GUK1: variants seen among roughly 807,000 people sequenced by gnomAD.
The protein encoded by GUK1 is guanylate kinase 1, also known as guanylate kinase.
Under a neutral mutation model 25.2 loss-of-function variants are expected in GUK1, and 18 were observed. That is an observed-to-expected ratio of 0.71 (90% CI 0.49 to 1.06). GUK1 has a LOEUF of 1.06. Ranked by LOEUF, GUK1 falls within the 50% of genes least tolerant of loss-of-function variation. The probability of loss-of-function intolerance (pLI) is 0.00; values close to 1 mark genes in which losing one functional copy is unlikely to be tolerated. For missense variants in GUK1, 261 were observed against 276.7 expected (o/e 0.94, Z 0.40); for synonymous variants, 105 against 117.6 (o/e 0.89, Z 0.69).
intron 2 of GUK1, among the ~76,000 whole-genome samples, chr1:228,142,677 GC>G (rs1387751214): frequency 1.3e-5 from 2 of 152,130 alleles, no homozygotes; most frequent in African/African-American, 4.8e-5. Context: ...CCTGCCACTT[GC>G]TGCTTGCGAG....
chr1:228,147,517 T>C lies in GUK1; in HGVS notation c.363T>C (p.Ser121=). 1.2e-6 allele frequency: 2 copies of C among 1,613,152 alleles called. No individual in the cohort carries two copies. Among genetic ancestry groups the C allele is most frequent in the South Asian group, 1.1e-5 (1 of 91,082 alleles). ...CCGATCTGCGGCCCATCTACATCTC[T>C]GTGCAGCCGCCTTCACTGCACGTGC... Residue 121 remains serine (S), a synonymous_variant, in exon 6 of 9, where the codon TCT becomes TCC. Transcript: ENST00000312726.
At position 228,147,441 on chromosome 1, in the gene GUK1, G is replaced by T. The variant is rs752446312; in HGVS notation, c.287G>T (p.Arg96Leu). ...GTGCAGGCCGTGCAGGCCATGAACC[G>T]CATCTGTGTGCTGGACGTGGACCTG... Residue 96 changes from arginine (R) to leucine (L), a missense_variant, in exon 6 of 9, where the codon CGC becomes CTC. Transcript: ENST00000312726. 4.3e-6 allele frequency: 7 copies of T among 1,612,462 alleles called. No homozygotes were observed. Among genetic ancestry groups the T allele is most frequent in the South Asian group, 1.1e-5 (1 of 91,074 alleles).
At chr1:228,140,118 A>G, upstream of GUK1, 1 of 569,502 alleles carries the variant, frequency 1.8e-6, no homozygotes, top group Non-Finnish European at 3.0e-6. Context: ...TGCGGTCGCG[A>G]CAGGCCAGCG....
chr1:228,146,470 C>T (rs929817640), intron 4 of GUK1: 15 of 426,316 alleles, frequency 3.5e-5, no homozygotes, highest in African/African-American at 2.8e-4. Context: ...CCTTGCCGTG[C>T]AACCCAGTGG....
At position 228,148,708 on chromosome 1, in the gene GUK1, C is replaced by T; in HGVS notation, c.*11C>T. On this transcript the variant is annotated 3_prime_UTR_variant, in exon 9 of 9. Transcript: ENST00000312726. Reference sequence around the variant, plus strand: ...AGGACCGGCGCCTGAGGCTTGCTGTCTGTTCTCGGCACCCCGGGCCCATAC... The same window carrying T: ...AGGACCGGCGCCTGAGGCTTGCTGTTTGTTCTCGGCACCCCGGGCCCATAC... 3.7e-6 allele frequency: 6 copies of T among 1,606,278 alleles called. No individual in the cohort carries two copies. The highest frequency in any genetic ancestry group is 5.1e-6 in the Non-Finnish European group (6 of 1,177,578).
intron 2 of GUK1, chr1:228,141,306 TC>T (rs919236010): frequency 5.4e-5 from 52 of 967,748 alleles, no homozygotes; most frequent in South Asian, 1.4e-4. Context: ...AATGTTCCTG[TC>T]CCCCCCGGGG....
intron 7 of GUK1, 132 bp from the exon 7 acceptor site, chr1:228,148,239 G>A (rs1212397902): frequency 1.3e-6 from 1 of 747,466 alleles, no homozygotes; most frequent in Non-Finnish European, 2.4e-6. Flanking sequence ...CACAGGCCCG[G>A]CTGGGCTGGA....
chr1:228,144,032 A>G (rs2034217903), intron 2 of GUK1, among the ~76,000 whole-genome samples: 2 of 152,086 alleles, frequency 1.3e-5, no homozygotes, highest in Non-Finnish European at 2.9e-5. Flanking sequence ...TTGCAGGTAC[A>G]CATGTGTGGT....
At position 228,140,331 on chromosome 1, in the gene GUK1, C is replaced by G; in HGVS notation, c.-200C>G. On this transcript the variant is annotated 5_prime_UTR_variant, in exon 1 of 9. Transcript: ENST00000312726. Reference sequence around the variant, plus strand: ...CTGCGGCGCCCGCTGGCCGGGCTGGCTGCGGCCGCCCTGGGCCGGGCCCCA... The same window carrying G: ...CTGCGGCGCCCGCTGGCCGGGCTGGGTGCGGCCGCCCTGGGCCGGGCCCCA... 2 of 1,529,084 alleles carry G rather than the reference C, an allele frequency of 1.3e-6. No individual in the cohort carries two copies. Among genetic ancestry groups the G allele is most frequent in the Non-Finnish European group, 1.7e-6 (2 of 1,144,692 alleles). 94.7% of individuals were successfully genotyped at this position (1,529,084 alleles called of 1,614,324 possible).
chr1:228,145,244 T>C, intron 2 of GUK1: 1 of 274,840 alleles, frequency 3.6e-6, no homozygotes, highest in Non-Finnish European at 6.9e-6. Flanking sequence ...GTTGGGGGGC[T>C]CCCCTGCTGA....
intron 2 of GUK1, among the ~76,000 whole-genome samples, chr1:228,143,372 G>C (rs377581891): frequency 1.3e-5 from 2 of 152,328 alleles, no homozygotes; most frequent in South Asian, 2.1e-4. Flanking sequence ...CTCCCATATC[G>C]GGTCCTTCGA....
rs556804591 is a variant in GUK1, at chr1:228,141,608, G to C, written c.-3+320G>C. ...TCCTCGAACAGTGGGCCGGGGGCAA[G>C]GTGGTGACTCTGTTCAGTCCTTAGG... On this transcript the variant is annotated intron_variant, in intron 2 of 8. Transcript: ENST00000312726. 3 of 1,107,630 alleles carry C rather than the reference G, an allele frequency of 2.7e-6. No homozygotes were observed. In the Admixed American group the frequency reaches 1.5e-4, roughly 54 times the overall value. The allele number at this position is 1,107,630 out of a possible 1,614,324, so 68.6% of individuals were successfully genotyped here.
chr1:228,145,795 G>C (rs2034336339), intron 3 of GUK1, 171 bp downstream of exon 2: 1 of 799,780 alleles, frequency 1.3e-6, no homozygotes, highest in Non-Finnish European at 2.0e-6. Flanking sequence ...CACTCCTGCT[G>C]TCCTGCGTGC....
At position 228,148,376 on chromosome 1, in the gene GUK1, G is replaced by A; in HGVS notation, c.481G>A (p.Glu161Lys). 1 of 1,554,924 alleles carries A rather than the reference G, an allele frequency of 6.4e-7. No homozygotes were observed. Among genetic ancestry groups the A allele is most frequent in the Non-Finnish European group, 8.7e-7 (1 of 1,145,106 alleles). The change falls in exon 8 of 9, where the codon GAG (glutamate) becomes AAG (lysine). Residue 161 changes from glutamate to lysine, a missense_variant. Transcript: ENST00000312726. ...ACCCCAGGCCCCACCCACAGGCAAG[G>A]AGCCCGGCCTGTTTGATGTGGTCAT...
In GUK1 at chr1:228,147,269, C is replaced by T. The variant is rs201239171; in HGVS notation, c.252-137C>T. ...GGGGGTAGCAGGTTTGAGATGCTGTCGGGTGCTGGGTCCAGGCCAGGCCTA... is the reference window on the plus strand; with the variant it reads ...GGGGGTAGCAGGTTTGAGATGCTGTTGGGTGCTGGGTCCAGGCCAGGCCTA... On this transcript the variant is annotated intron_variant, in intron 5 of 8. Transcript: ENST00000312726. The T allele has an allele frequency of 7.8e-4, 619 of 798,530 alleles. 4 individuals are homozygous for T. In the East Asian group the frequency reaches 0.011, roughly 15 times the overall value. 49.5% of individuals were successfully genotyped at this position (798,530 alleles called of 1,614,324 possible). A position where few individuals can be genotyped will look rare whatever the true frequency, so the allele number is the denominator to read the frequency against.
chr1:228,142,134 C>G (rs1335746916), intron 2 of GUK1, among the ~76,000 whole-genome samples: 1 of 38,298 alleles, frequency 2.6e-5, no homozygotes, highest in African/African-American at 7.3e-5. Flanking sequence ...TGCCTCCGCC[C>G]TGTCTCCAGC....
At chr1:228,147,306 GGGA>G in intron 5 of GUK1, 97 bp from the exon 5 acceptor site, 1 of 1,159,016 alleles carries the variant, frequency 8.6e-7, no homozygotes, top group Non-Finnish European at 1.2e-6. Context: ...GCTCAGCTGT[GGGA>G]GGAGAACGCT....
At chr1:228,146,977 C>T in intron 5 of GUK1, 39 bp downstream of exon 4, 1 of 1,347,102 alleles carries the variant, frequency 7.4e-7, no homozygotes, top group Non-Finnish European at 1.1e-6. Context: ...CCCAGGGTTG[C>T]TGTTGGCAAC....
Position 228,148,779 on chromosome 1 carries a change from G to A in GUK1, c.*82G>A, listed in dbSNP as rs775069263. 32 of 1,606,914 alleles carry A rather than the reference G, an allele frequency of 2.0e-5. No individual in the cohort carries two copies. The highest frequency in any genetic ancestry group is 9.4e-5 in the African/African-American group (7 of 74,706). On this transcript the variant is annotated 3_prime_UTR_variant, in exon 9 of 9. Coordinates refer to ENST00000312726, the MANE Select transcript of GUK1 (RefSeq NM_000858.7). ...GAGCCACCCCCTTGGCAGGCGATAC[G>A]GCAGCTCTGTGCCCTTGGCCAGCAT...
Sources: allele counts gnomAD v4.1 joint callset (sites outside exome capture counted in the v4.1 genomes callset), GRCh38; gene constraint gnomAD v4.1.1; transcripts MANE v1.5; gene names NCBI Gene and HGNC (gene_info 2026-07-23, HGNC 2026-07-21).